DLGAP2: variants seen among roughly 807,000 people sequenced by gnomAD.
DLGAP2 encodes disks large-associated protein 2.
DLGAP2 carries 26 observed loss-of-function variants against 100.3 expected under a neutral mutation model. The observed-to-expected ratio is 0.26, with a 90% CI of 0.19 to 0.36. The LOEUF is 0.36. Among genes scored for constraint, DLGAP2 ranks in the 10% least tolerant of loss-of-function variants. DLGAP2 has a pLI of 1.00. For missense variants in DLGAP2, 1,858 were observed against 1,453.2 expected (o/e 1.28, Z -4.53); for synonymous variants, 886 against 630.1 (o/e 1.41, Z -6.08).
chr8:1,430,221 G>A (rs1162776466), intron 3 of DLGAP2, among the ~76,000 whole-genome samples: 2 of 151,360 alleles, frequency 1.3e-5, no homozygotes, highest in Admixed American at 1.3e-4. Context: ...CCAATGATCT[G>A]TGATTCCTTT....
intron 3 of DLGAP2, among the ~76,000 whole-genome samples, chr8:1,479,862 A>C (rs944160394): frequency 6.6e-6 from 1 of 152,182 alleles, no homozygotes; most frequent in African/African-American, 2.4e-5. Context: ...TGGGATGGAA[A>C]ATGTGAATGC....
chr8:1,300,174 A>G (rs1800297699), intron 3 of DLGAP2: 1 of 152,230 alleles, frequency 6.6e-6, no homozygotes, highest in South Asian at 2.1e-4. Context: ...AGCCCCTAGC[A>G]ATGTTCAAAG....
chr8:1,309,599 G>C (rs937354495), intron 3 of DLGAP2, among the ~76,000 whole-genome samples: 1 of 152,190 alleles, frequency 6.6e-6, no homozygotes, highest in African/African-American at 2.4e-5. Flanking sequence ...CTTGCAGATT[G>C]ACATAAAAGG....
chr8:1,200,822 C>G (rs1197869231), intron 2 of DLGAP2, among the ~76,000 whole-genome samples: 1 of 152,232 alleles, frequency 6.6e-6, no homozygotes, highest in Non-Finnish European at 1.5e-5. Flanking sequence ...AGAGTGGCAG[C>G]TTTCGCTTTG....
At chr8:1,317,505 TGG>T in intron 3 of DLGAP2, among the ~76,000 whole-genome samples, 1 of 65,286 alleles carries the variant, frequency 1.5e-5, no homozygotes, top group South Asian at 5.5e-4. Context: ...TCGAGACACT[TGG>T]CAGCGTTTAA....
intron 3 of DLGAP2, among the ~76,000 whole-genome samples, chr8:1,281,944 A>C (rs1450562412): frequency 6.6e-6 from 1 of 151,896 alleles, no homozygotes; most frequent in African/African-American, 2.4e-5. Context: ...ATGAGCATGC[A>C]CCAGGGCCGC....
At chr8:1,506,181 T>C (rs1799906222) in intron 4 of DLGAP2, among the ~76,000 whole-genome samples, 1 of 152,080 alleles carries the variant, frequency 6.6e-6, no homozygotes, top group Non-Finnish European at 1.5e-5. Context: ...CTAATGTTAA[T>C]ACATATCTTG....
chr8:1,440,149 A>G (rs1797786520), intron 3 of DLGAP2, among the ~76,000 whole-genome samples: 1 of 152,202 alleles, frequency 6.6e-6, no homozygotes, highest in Non-Finnish European at 1.5e-5. Context: ...GAAAAAAAGG[A>G]AGTCTGTTAA....
intron 1 of DLGAP2, among the ~76,000 whole-genome samples, chr8:810,078 G>A (rs1265979111): frequency 1.3e-5 from 2 of 152,156 alleles, no homozygotes; most frequent in African/African-American, 2.4e-5. Flanking sequence ...AGCTTGCTCT[G>A]TGTCCATCCC....
chr8:1,091,809 G>T (rs899699568), intron 2 of DLGAP2, among the ~76,000 whole-genome samples: 3 of 150,168 alleles, frequency 2.0e-5, no homozygotes, highest in African/African-American at 7.4e-5. Context: ...CCCCTCCGCA[G>T]CCCCTGTAAT....
At chr8:1,424,249 C>A in intron 3 of DLGAP2, among the ~76,000 whole-genome samples, 1 of 152,202 alleles carries the variant, frequency 6.6e-6, no homozygotes, top group East Asian at 1.9e-4. Flanking sequence ...AAAGTCACAG[C>A]AAAAGGGGGT....
At chr8:924,044 A>G (rs1329124388) in intron 2 of DLGAP2, among the ~76,000 whole-genome samples, 1 of 152,240 alleles carries the variant, frequency 6.6e-6, no homozygotes, top group East Asian at 1.9e-4. Context: ...ACATGACAGC[A>G]TCCATTGCGT....
intron 2 of DLGAP2, among the ~76,000 whole-genome samples, chr8:1,141,501 T>C (rs1418904881): frequency 6.6e-6 from 1 of 152,150 alleles, no homozygotes; most frequent in Non-Finnish European, 1.5e-5. Context: ...AAAAATGTAA[T>C]CCAGAATGTT....
intron 2 of DLGAP2, among the ~76,000 whole-genome samples, chr8:1,115,308 T>C (rs1412996974): frequency 2.0e-5 from 3 of 152,196 alleles, no homozygotes; most frequent in Non-Finnish European, 4.4e-5. Flanking sequence ...TCCACTATTA[T>C]TGTGTGGGAG....
At chr8:1,683,856 A>ATATATATATATATG (rs1467438870) in intron 12 of DLGAP2, among the ~76,000 whole-genome samples, 3 of 62,228 alleles carry the variant, frequency 4.8e-5, no homozygotes, top group African/African-American at 1.7e-4. Context: ...ATATATATAT[A>ATATATATATATATG]TGTGTGTGTG....
intron 2 of DLGAP2, among the ~76,000 whole-genome samples, chr8:928,319 G>C (rs552556977): frequency 6.6e-6 from 1 of 152,238 alleles, no homozygotes; most frequent in South Asian, 2.1e-4. Context: ...ATCCTGGACA[G>C]GGATTACGGA....
intron 2 of DLGAP2, among the ~76,000 whole-genome samples, chr8:1,232,846 CT>C (rs1470760003): frequency 6.6e-6 from 1 of 152,162 alleles, no homozygotes; most frequent in East Asian, 1.9e-4. Flanking sequence ...GAGCCAGTGG[CT>C]TTTAGTGTGT....
At chr8:984,176 A>G (rs1022903664) in intron 2 of DLGAP2, among the ~76,000 whole-genome samples, 1 of 152,122 alleles carries the variant, frequency 6.6e-6, no homozygotes, top group African/African-American at 2.4e-5. Flanking sequence ...TTGAATTGAG[A>G]CTTAAACGTC....
At chr8:1,272,544 T>A (rs1365115994) in intron 3 of DLGAP2, among the ~76,000 whole-genome samples, 1 of 152,206 alleles carries the variant, frequency 6.6e-6, no homozygotes, top group Non-Finnish European at 1.5e-5. Flanking sequence ...AATATATCTA[T>A]ATATCATACA....
Sources: gnomAD v4.1 joint callset for allele counts (sites outside exome capture counted in the v4.1 genomes callset) on GRCh38, gnomAD v4.1.1 for gene constraint, MANE v1.5 for transcripts, NCBI Gene and HGNC (gene_info 2026-07-23, HGNC 2026-07-21) for gene names.